GRIK4: variants seen among roughly 807,000 people sequenced by gnomAD.
The protein encoded by GRIK4 is glutamate receptor ionotropic, kainate 4.
In GRIK4, 40 loss-of-function variants were observed where a neutral mutation model predicts 104.9. That is an observed-to-expected ratio of 0.38 (90% CI 0.30 to 0.50). The LOEUF (loss-of-function observed/expected upper bound fraction) is 0.50. Ranked by LOEUF, GRIK4 falls within the 20% of genes least tolerant of loss-of-function variation. GRIK4 has a pLI of 0.93. For missense variants in GRIK4, 1,047 were observed against 1,308.1 expected (o/e 0.80, Z 3.08); for synonymous variants, 485 against 524.9 (o/e 0.92, Z 1.04).
chr11:120,815,257 C>G (rs1375253648), intron 4 of GRIK4, 121 bp from the exon 5 acceptor site: 3 of 645,984 alleles, frequency 4.6e-6, no homozygotes, highest in Non-Finnish European at 8.3e-6. Flanking sequence ...GAGCAGGGGC[C>G]TGGGCAGCGG....
In GRIK4 at chr11:120,819,696, T is replaced by G; in HGVS notation, c.346-59T>G. Reference sequence around the variant, plus strand: ...CACAACCTCAGCTCACTCATCCCTCTTTCTTCCTTTTCACCCACCTGGATC... The same window carrying G: ...CACAACCTCAGCTCACTCATCCCTCGTTCTTCCTTTTCACCCACCTGGATC... On this transcript the variant is annotated intron_variant, in intron 5 of 20. Coordinates refer to ENST00000527524, the MANE Select transcript of GRIK4 (RefSeq NM_014619.5). The surrounding 1 kb of genome is among the most constrained non-coding windows in gnomAD (Gnocchi z 4.3). 1 of 1,538,064 alleles carries G rather than the reference T, an allele frequency of 6.5e-7. No individual in the cohort carries two copies. Among genetic ancestry groups the G allele is most frequent in the Non-Finnish European group, 9.0e-7 (1 of 1,112,066 alleles).
chr11:120,906,341 C>T lies in GRIK4; in HGVS notation c.1476+848C>T, dbSNP rs368974989. Among the ~76,000 whole-genome samples the T allele has an allele frequency of 2.6e-5, 4 of 152,358 alleles. No homozygotes were observed. The East Asian group carries it at 7.7e-4, about 29-fold the overall frequency. ...GTGCCCTTGATCCAACTCTTTTCCC[C>T]TCTGGGCTTTCAATGGTAGAAGGAG... On this transcript the variant is annotated intron_variant, in intron 13 of 20. Coordinates refer to ENST00000527524, the MANE Select transcript of GRIK4 (RefSeq NM_014619.5).
At chr11:120,789,003 T>G (rs894642552) in intron 3 of GRIK4, among the ~76,000 whole-genome samples, 1 of 151,956 alleles carries the variant, frequency 6.6e-6, no homozygotes, top group Non-Finnish European at 1.5e-5. Flanking sequence ...TCTCCTTAGA[T>G]CCTCTGGTCT....
chr11:120,646,681 A>G (rs1361059004), intron 1 of GRIK4, among the ~76,000 whole-genome samples: 2 of 152,354 alleles, frequency 1.3e-5, no homozygotes, highest in South Asian at 2.1e-4. Flanking sequence ...GAAAACAAAG[A>G]TAAATCATTC....
intron 13 of GRIK4, among the ~76,000 whole-genome samples, chr11:120,924,568 C>T (rs111323793): frequency 9.9e-5 from 6 of 60,492 alleles, no homozygotes; most frequent in Admixed American, 7.7e-4. Context: ...CTGAAGACCC[C>T]CTTGTCCCCA....
intron 13 of GRIK4, among the ~76,000 whole-genome samples, chr11:120,919,171 C>G (rs966116848): frequency 2.6e-5 from 4 of 152,018 alleles, no homozygotes; most frequent in Admixed American, 1.3e-4. Context: ...GAGAGAGTTG[C>G]CGGCAGAGGG....
intron 6 of GRIK4, among the ~76,000 whole-genome samples, chr11:120,830,593 G>A (rs1953399281): frequency 6.6e-6 from 1 of 152,102 alleles, no homozygotes; most frequent in African/African-American, 2.4e-5. Context: ...TGGTTACAAA[G>A]CCAACCTTTC....
In GRIK4 at chr11:120,624,800, G is replaced by T. The variant is rs866506985; in HGVS notation, c.-158-28885G>T. The stretch of plus-strand genomic sequence containing the variant: ...CTTCTGCCCTTCAGCTTCTCTCCCT[G>T]CCTGCTGCTCCAGGAAAGGAAAGTA... On this transcript the variant is annotated intron_variant, in intron 1 of 20. Transcript: ENST00000527524. Among the ~76,000 whole-genome samples, 31 of 152,126 alleles carry T rather than the reference G, an allele frequency of 2.0e-4. No homozygotes were observed. In the Middle Eastern group the frequency reaches 0.024, roughly 117 times the overall value.
chr11:120,769,513 C>A (rs928329243), intron 3 of GRIK4, among the ~76,000 whole-genome samples: 6 of 152,080 alleles, frequency 3.9e-5, no homozygotes, highest in Non-Finnish European at 7.4e-5. Context: ...TTGTATGTGT[C>A]ATGAAATATT....
chr11:120,846,010 G>A (rs1356832510), intron 8 of GRIK4, among the ~76,000 whole-genome samples: 1 of 152,182 alleles, frequency 6.6e-6, no homozygotes, highest in East Asian at 1.9e-4. Context: ...TTCTTACAGA[G>A]ATGCTATTGA....
chr11:120,675,007 C>A (rs1244177331), intron 3 of GRIK4, among the ~76,000 whole-genome samples: 1 of 152,232 alleles, frequency 6.6e-6, no homozygotes, highest in African/African-American at 2.4e-5. Context: ...GGGCCTTTAT[C>A]TGGAAATTAT....
intron 1 of GRIK4, among the ~76,000 whole-genome samples, chr11:120,591,872 T>G (rs1301586389): frequency 1.3e-5 from 2 of 152,218 alleles, no homozygotes; most frequent in East Asian, 3.9e-4. Flanking sequence ...TCTTCTGTAT[T>G]TGCATCGGCA....
intron 14 of GRIK4, among the ~76,000 whole-genome samples, chr11:120,947,858 C>G (rs930640567): frequency 1.3e-5 from 2 of 152,180 alleles, no homozygotes; most frequent in Non-Finnish European, 2.9e-5. Context: ...CACCACTCAG[C>G]AAGTCCAGGT....
chr11:120,616,738 C>T (rs981654874), intron 1 of GRIK4, among the ~76,000 whole-genome samples: 12 of 152,210 alleles, frequency 7.9e-5, no homozygotes, highest in Non-Finnish European at 1.0e-4. Context: ...ACACAGATTT[C>T]AGATATGGGA....
At chr11:120,679,437 C>T (rs1950156403) in intron 3 of GRIK4, among the ~76,000 whole-genome samples, 1 of 152,228 alleles carries the variant, frequency 6.6e-6, no homozygotes, top group African/African-American at 2.4e-5. Context: ...TTCTTTTCCC[C>T]AGTGTTTTGC....
chr11:120,964,673 A>T (rs1253546568), intron 18 of GRIK4, among the ~76,000 whole-genome samples: 1 of 152,216 alleles, frequency 6.6e-6, no homozygotes, highest in East Asian at 1.9e-4. Context: ...ACAACTCTAG[A>T]AATTTTCATC....
chr11:120,959,976 C>T (rs1019732239), intron 16 of GRIK4, among the ~76,000 whole-genome samples: 11 of 152,144 alleles, frequency 7.2e-5, no homozygotes, highest in African/African-American at 2.7e-4. Flanking sequence ...TTGCATTGAG[C>T]CCTGATTAAG....
At chr11:120,748,906 G>T (rs944712954) in intron 3 of GRIK4, among the ~76,000 whole-genome samples, 7 of 152,108 alleles carry the variant, frequency 4.6e-5, no homozygotes, top group Non-Finnish European at 8.8e-5. Flanking sequence ...CTTTTCTAAG[G>T]TCTCCTCAAA....
intron 11 of GRIK4, among the ~76,000 whole-genome samples, chr11:120,892,171 C>G (rs907370002): frequency 9.2e-5 from 14 of 152,074 alleles, no homozygotes. Context: ...GGGAAGGAGC[C>G]TGTTGCACTT....
Sources: gnomAD v4.1 joint callset for allele counts (sites outside exome capture counted in the v4.1 genomes callset) on GRCh38, gnomAD v4.1.1 for gene constraint, Gnocchi (gnomAD v3.1) non-coding constraint, MANE v1.5 for transcripts, NCBI Gene and HGNC (gene_info 2026-07-23, HGNC 2026-07-21) for gene names.